Variants in PHIP observed in about 807,000 individuals in gnomAD.
PHIP encodes PHIP subunit of CUL4-Ring ligase complex.
In PHIP, 54 loss-of-function variants were observed where a neutral mutation model predicts 236.8. The ratio of observed to expected loss-of-function variants is 0.23; its 90% CI spans 0.18 to 0.29. The LOEUF is 0.29. Among genes scored for constraint, PHIP ranks in the 10% least tolerant of loss-of-function variants. The pLI is 1.00. For synonymous variants in PHIP, 756 were observed against 718.9 expected (o/e 1.05, Z -0.83); for missense variants, 1,370 against 2,190.8 (o/e 0.63, Z 7.48).
intron 7 of PHIP, among the ~76,000 whole-genome samples, chr6:79,038,463 T>G (rs1772052680): frequency 6.6e-6 from 1 of 152,222 alleles, no homozygotes; most frequent in Admixed American, 6.5e-5. Flanking sequence ...ATATTAATTT[T>G]GAGGGGACAG....
At chr6:78,976,074 C>G (rs1257262520) in intron 24 of PHIP, among the ~76,000 whole-genome samples, 4 of 151,760 alleles carry the variant, frequency 2.6e-5, no homozygotes, top group Non-Finnish European at 5.9e-5. Flanking sequence ...CAAGTCAATC[C>G]TAAGCCAAAA....
rs1250508351 is a variant in PHIP, at chr6:78,938,468, C to G, written c.*2225G>C. ...TTTTTACAAAAATTGATTTTATAGCCTATTATTTTTTTCTTAACACAATGC... is the reference window on the plus strand; with the variant it reads ...TTTTTACAAAAATTGATTTTATAGCGTATTATTTTTTTCTTAACACAATGC... On this transcript the variant is annotated 3_prime_UTR_variant, in exon 40 of 40. Transcript: ENST00000275034. The G allele has an allele frequency of 6.6e-6, 1 of 151,486 alleles. No individual in the cohort carries two copies. Among genetic ancestry groups the G allele is most frequent in the Non-Finnish European group, 1.5e-5 (1 of 67,590 alleles). 9.4% of individuals were successfully genotyped at this position (151,486 alleles called of 1,614,324 possible).
At chr6:79,029,934 T>A (rs1039132760) in intron 7 of PHIP, among the ~76,000 whole-genome samples, 1 of 152,202 alleles carries the variant, frequency 6.6e-6, no homozygotes, top group Admixed American at 6.5e-5. Context: ...TAAGCCTACC[T>A]CTAGTTCCAC....
chr6:78,953,163 A>T lies in PHIP; in HGVS notation c.4053+1651T>A, dbSNP rs796331973. On this transcript the variant is annotated intron_variant, in intron 35 of 39. Transcript: ENST00000275034. ...CCATGTATAGTGTAAGTTTAGGAAA[A>T]TTTCTCCTCTCTGACACTAGAACCA... Among the ~76,000 whole-genome samples the T allele has an allele frequency of 2.6e-5, 4 of 151,964 alleles. No homozygotes were observed. In the East Asian group the frequency reaches 7.7e-4, roughly 29 times the overall value.
intron 19 of PHIP, among the ~76,000 whole-genome samples, chr6:78,994,555 C>G (rs888218235): frequency 6.6e-6 from 1 of 150,620 alleles, no homozygotes; most frequent in South Asian, 2.1e-4. Flanking sequence ...CCAGCCTGGG[C>G]AACAAAGTAA....
At chr6:79,044,712 G>A (rs1246653426) in intron 6 of PHIP, among the ~76,000 whole-genome samples, 1 of 152,108 alleles carries the variant, frequency 6.6e-6, no homozygotes, top group Non-Finnish European at 1.5e-5. Context: ...GTGTTCAGGT[G>A]TGAAAATATC....
In PHIP at chr6:78,966,145, C is replaced by G; in HGVS notation, c.3206-89G>C. The stretch of plus-strand genomic sequence containing the variant: ...TAACGTTAACCTTTAAGTACCTAAA[C>G]TGCCTGTATGATTTCAGAAGACAAA... On this transcript the variant is annotated intron_variant, in intron 27 of 39. Transcript: ENST00000275034. 6 of 791,344 alleles carry G rather than the reference C, an allele frequency of 7.6e-6. No homozygotes were observed. The South Asian group carries it at 8.9e-5, about 12-fold the overall frequency. 49.0% of individuals were successfully genotyped at this position (791,344 alleles called of 1,614,324 possible).
At chr6:79,041,330 C>G (rs1429103611) in intron 7 of PHIP, among the ~76,000 whole-genome samples, 1 of 152,042 alleles carries the variant, frequency 6.6e-6, no homozygotes, top group Admixed American at 6.6e-5. Flanking sequence ...AAAAAGCACA[C>G]TATTTCACTG....
At position 79,025,604 on chromosome 6, in the gene PHIP, T is replaced by G; in HGVS notation, c.838A>C (p.Ser280Arg). The part of the protein sequence containing the change: ...ITSLQFSPLC[S>R]GSKRYLSSTG... ...GAAGATAGATATCTCTTTGAGCCAC[T>G]GCACAATGGTGAGAACTGAAAAGAC... is the stretch of plus-strand genomic sequence containing the variant. Residue 280 changes from serine to arginine, a missense_variant, in exon 9 of 40, where the codon AGT (serine) becomes CGT (arginine). Transcript: ENST00000275034. 6.2e-7 allele frequency: 1 copy of G among 1,603,516 alleles called. No individual in the cohort carries two copies. Among genetic ancestry groups the G allele is most frequent in the Non-Finnish European group, 8.5e-7 (1 of 1,171,214 alleles).
At chr6:78,959,877 G>A (rs554581172) in intron 31 of PHIP, among the ~76,000 whole-genome samples, 3 of 152,150 alleles carry the variant, frequency 2.0e-5, no homozygotes, top group African/African-American at 4.8e-5. Flanking sequence ...AAATGCATGC[G>A]ATATACTTAA....
intron 6 of PHIP, among the ~76,000 whole-genome samples, chr6:79,045,930 T>C (rs1455896752): frequency 6.6e-6 from 1 of 152,168 alleles, no homozygotes; most frequent in Non-Finnish European, 1.5e-5. Context: ...AAATTCTTTT[T>C]TATCCTCTAG....
At chr6:78,970,353 T>C (rs577275017) in intron 25 of PHIP, among the ~76,000 whole-genome samples, 180 bp from the exon 26 acceptor site, 1 of 152,096 alleles carries the variant, frequency 6.6e-6, no homozygotes. Context: ...GTATGCAAGT[T>C]ACAATGAAAT....
chr6:79,060,886 C>T, intron 4 of PHIP, 68 bp from the exon 5 acceptor site: 1 of 1,098,062 alleles, frequency 9.1e-7, no homozygotes, highest in Non-Finnish European at 1.3e-6. Flanking sequence ...CTTTGAGCAA[C>T]AATAAAAAAA....
chr6:79,002,938 T>G (rs1331893407), intron 16 of PHIP, among the ~76,000 whole-genome samples: 1 of 152,136 alleles, frequency 6.6e-6, no homozygotes, highest in Non-Finnish European at 1.5e-5. Context: ...ATTATTAATA[T>G]AAACTCAACC....
intron 30 of PHIP, 62 bp downstream of exon 30, chr6:78,963,033 CAG>C (rs779992537): frequency 9.8e-6 from 14 of 1,427,430 alleles, no homozygotes; most frequent in Non-Finnish European, 1.3e-5. Flanking sequence ...TGGAGAATAA[CAG>C]TATTTTTCCA....
At chr6:78,979,032 A>G (rs1372362243) in intron 23 of PHIP, among the ~76,000 whole-genome samples, 5 of 152,130 alleles carry the variant, frequency 3.3e-5, no homozygotes, top group African/African-American at 1.2e-4. Flanking sequence ...TAATCTAGAA[A>G]TGACTTAAAG....
intron 7 of PHIP, among the ~76,000 whole-genome samples, chr6:79,028,215 C>T (rs984721577): frequency 6.6e-6 from 1 of 151,880 alleles, no homozygotes; most frequent in African/African-American, 2.4e-5. Context: ...AGGCCTTTTA[C>T]GGTTTACTAA....
intron 35 of PHIP, among the ~76,000 whole-genome samples, chr6:78,952,953 T>C (rs1295280309): frequency 1.3e-5 from 2 of 152,132 alleles, no homozygotes; most frequent in African/African-American, 4.8e-5. Flanking sequence ...AATAATCTAT[T>C]ACTCAAATTT....
At chr6:78,987,390 C>G (rs1768935720) in intron 21 of PHIP, among the ~76,000 whole-genome samples, 1 of 151,948 alleles carries the variant, frequency 6.6e-6, no homozygotes, top group South Asian at 2.1e-4. Context: ...ATCATTTTGA[C>G]CTGGCTATAT....
Sources: allele counts gnomAD v4.1 joint callset (sites outside exome capture counted in the v4.1 genomes callset), GRCh38; gene constraint gnomAD v4.1.1; transcripts MANE v1.5; gene names NCBI Gene and HGNC (gene_info 2026-07-23, HGNC 2026-07-21).